Variants in MAP3K15 observed in about 807,000 individuals in gnomAD.
The protein encoded by MAP3K15 is mitogen-activated protein kinase kinase kinase 15.
In MAP3K15, 124 loss-of-function variants were observed where a neutral mutation model predicts 99.5. The observed-to-expected ratio is 1.25, with a 90% confidence interval of 1.08 to 1.45. The LOEUF (loss-of-function observed/expected upper bound fraction) is 1.45. Ranked by LOEUF, MAP3K15 falls within the 40% of genes most tolerant of loss-of-function variation. The pLI is 0.00. For missense variants in MAP3K15, 1,242 were observed against 1,079.7 expected (o/e 1.15, Z -2.11); for synonymous variants, 494 against 439.6 (o/e 1.12, Z -1.55).
intron 18 of MAP3K15, among the ~76,000 whole-genome samples, chrX:19,391,639 C>CA (rs2063527750): frequency 2.2e-5 from 2 of 89,642 alleles, no homozygotes; most frequent in South Asian, 1.2e-3. Flanking sequence ...CGTGCCACTG[C>CA]ACTCCAGCCT....
chrX:19,372,218 T>G (rs1205654575), intron 22 of MAP3K15, among the ~76,000 whole-genome samples: 2 of 110,939 alleles, frequency 1.8e-5, no homozygotes, highest in Non-Finnish European at 3.8e-5. Flanking sequence ...GTGCCCTAGT[T>G]CAAAATCAGT....
chrX:19,456,991 T>C lies in MAP3K15; in HGVS notation c.917A>G (p.Glu306Gly). The C allele has an allele frequency of 2.5e-6, 3 of 1,198,326 alleles. No individual in the cohort carries two copies. Among genetic ancestry groups the C allele is most frequent in the Non-Finnish European group, 3.4e-6 (3 of 893,567 alleles). ...ACACGTAGGCAGCATCTCCAGTGTT[T>C]CCACCAGCTTCACCATCGCATCATA... is the stretch of plus-strand genomic sequence containing the variant. ...QDYDAMVKLVETLEMLPTCDL... is the reference protein window; with the variant it reads ...QDYDAMVKLVGTLEMLPTCDL... The change falls in exon 6 of 29, where the codon GAA becomes GGA. Residue 306 changes from glutamate (E) to glycine (G), a missense_variant. Physicochemically the swap from Glu to Gly is moderately conservative, Grantham distance 98 (BLOSUM62 -2). Coordinates refer to ENST00000338883, the MANE Select transcript of MAP3K15 (RefSeq NM_001001671.4).
Position 19,415,103 on chromosome X carries a change from T to C in MAP3K15, c.1590+4A>G. On this transcript the variant is annotated splice_donor_region_variant and intron_variant, in intron 10 of 28. Transcript: ENST00000338883. Reference sequence around the variant, plus strand: ...TAAAAAAAAATGGATTTAGCATATCTTACTGGAAATCTGAGTCCATTAGTG... The same window carrying C: ...TAAAAAAAAATGGATTTAGCATATCCTACTGGAAATCTGAGTCCATTAGTG... The C allele has an allele frequency of 8.7e-7, 1 of 1,146,577 alleles. No homozygotes were observed. Among genetic ancestry groups the C allele is most frequent in the Non-Finnish European group, 1.1e-6 (1 of 870,283 alleles). The allele number at this position is 1,146,577 out of a possible 1,213,427, so 94.5% of individuals were successfully genotyped here.
chrX:19,401,960 A>G (rs2063611554), intron 13 of MAP3K15, among the ~76,000 whole-genome samples: 1 of 111,572 alleles, frequency 9.0e-6, no homozygotes, highest in Non-Finnish European at 1.9e-5. Flanking sequence ...CTTAAGAGAC[A>G]TATGGTATGC....
intron 13 of MAP3K15, 97 bp from the exon 14 acceptor site, chrX:19,400,760 C>A: frequency 1.9e-6 from 1 of 534,479 alleles, no homozygotes; most frequent in Non-Finnish European, 3.1e-6. Context: ...AAATATAAAC[C>A]AAACTTTTAC....
At chrX:19,385,311 G>C (rs956333120) in intron 18 of MAP3K15, among the ~76,000 whole-genome samples, 3 of 111,319 alleles carry the variant, frequency 2.7e-5, no homozygotes, top group Non-Finnish European at 3.8e-5. Flanking sequence ...CATTACATGG[G>C]ATCCTCCATA....
chrX:19,372,156 A>AAC (rs2063380152), intron 22 of MAP3K15, among the ~76,000 whole-genome samples: 1 of 108,371 alleles, frequency 9.2e-6, no homozygotes, highest in African/African-American at 3.5e-5. Flanking sequence ...AAAGATTAAA[A>AAC]AACAATAATA....
At chrX:19,365,383 G>A (rs775707195) in intron 25 of MAP3K15, among the ~76,000 whole-genome samples, 1 of 112,072 alleles carries the variant, frequency 8.9e-6, no homozygotes, top group Non-Finnish European at 1.9e-5. Flanking sequence ...ATCAGCATTC[G>A]ATCAGGCCCT....
At chrX:19,392,958 A>C (rs1359704647) in intron 16 of MAP3K15, among the ~76,000 whole-genome samples, 1 of 110,439 alleles carries the variant, frequency 9.1e-6, no homozygotes, top group East Asian at 2.9e-4. Context: ...GGTGACAAGG[A>C]CTAGGACTGG....
Position 19,362,803 on chromosome X carries a change from A to G in MAP3K15, c.3614T>C (p.Leu1205Pro). 1.7e-6 allele frequency: 2 copies of G among 1,196,653 alleles called. No homozygotes were observed. The highest frequency in any genetic ancestry group is 3.5e-5 in the African/African-American group (2 of 57,094). The change falls in exon 26 of 29, where the codon CTG becomes CCG. Residue 1205 changes from leucine (L) to proline (P), a missense_variant. Leu to Pro is a moderately conservative substitution (Grantham distance 98). Transcript: ENST00000338883. ...AGTTTTCTGTTCTAGAGTTTGCCGC[A>G]GAAGATTCTGGTACTCTCTCTCTTT... ...VEKEREYQNL[L>P]RQTLEQKTQE...
chrX:19,501,144 C>T (rs1228422184), intron 1 of MAP3K15, among the ~76,000 whole-genome samples: 2 of 111,563 alleles, frequency 1.8e-5, no homozygotes, highest in Non-Finnish European at 3.8e-5. Flanking sequence ...TGGACTTCTG[C>T]AGCCGGGGGT....
intron 5 of MAP3K15, among the ~76,000 whole-genome samples, chrX:19,457,377 G>A (rs989203110): frequency 8.9e-6 from 1 of 111,740 alleles, no homozygotes; most frequent in Non-Finnish European, 1.9e-5. Context: ...TTTGAGAGGC[G>A]GAGGTGGGTG....
intron 18 of MAP3K15, among the ~76,000 whole-genome samples, chrX:19,391,624 G>A (rs1253748848): frequency 1.1e-5 from 1 of 93,592 alleles, no homozygotes; most frequent in Non-Finnish European, 2.0e-5. Flanking sequence ...GCAGTGAGCC[G>A]AGATCGTGCC....
At chrX:19,500,383 C>G (rs1307614740) in intron 1 of MAP3K15, among the ~76,000 whole-genome samples, 3 of 111,550 alleles carry the variant, frequency 2.7e-5, no homozygotes, top group African/African-American at 9.8e-5. Flanking sequence ...TGAAATTTTC[C>G]ATGATAAAAT....
chrX:19,487,295 T>G (rs1444176779), intron 2 of MAP3K15, among the ~76,000 whole-genome samples: 1 of 111,781 alleles, frequency 8.9e-6, no homozygotes, highest in African/African-American at 3.3e-5. Context: ...TTTTTCTGTA[T>G]TATTAAAAAT....
At chrX:19,492,177 G>C (rs1292405040) in intron 1 of MAP3K15, among the ~76,000 whole-genome samples, 1 of 109,619 alleles carries the variant, frequency 9.1e-6, no homozygotes, top group Non-Finnish European at 1.9e-5. Context: ...AAAGTAGACA[G>C]AATAGTATAA....
At chrX:19,439,339 T>C (rs2063943968) in intron 6 of MAP3K15, among the ~76,000 whole-genome samples, 1 of 112,281 alleles carries the variant, frequency 8.9e-6, no homozygotes, top group Non-Finnish European at 1.9e-5. Flanking sequence ...GTCTCTGGTA[T>C]TTCTTTATAG....
At chrX:19,487,435 T>C (rs998668553) in intron 2 of MAP3K15, among the ~76,000 whole-genome samples, 1 of 112,041 alleles carries the variant, frequency 8.9e-6, no homozygotes, top group African/African-American at 3.2e-5. Context: ...TCTATATCTT[T>C]CATACTTGCT....
chrX:19,512,642 CT>C (rs896407684), intron 1 of MAP3K15, among the ~76,000 whole-genome samples: 19 of 71,216 alleles, frequency 2.7e-4, no homozygotes, highest in Middle Eastern at 7.8e-3. Flanking sequence ...CCACATCCTG[CT>C]TTTTTTTTTT....
Sources: allele counts gnomAD v4.1 joint callset (sites outside exome capture counted in the v4.1 genomes callset), GRCh38; gene constraint gnomAD v4.1.1; transcripts MANE v1.5; gene names NCBI Gene and HGNC (gene_info 2026-07-23, HGNC 2026-07-21).